NALCN: variants seen among roughly 807,000 people sequenced by gnomAD.
NALCN encodes sodium leak channel, non-selective, also known as sodium leak channel NALCN.
Under a neutral mutation model 225.3 loss-of-function variants are expected in NALCN, and 111 were observed. The ratio of observed to expected loss-of-function variants is 0.49; its 90% CI spans 0.42 to 0.58. The LOEUF (loss-of-function observed/expected upper bound fraction) is 0.58. Ranked by LOEUF, NALCN falls within the 20% of genes least tolerant of loss-of-function variation. The probability of loss-of-function intolerance (pLI) is 0.00; values close to 1 mark genes in which losing one functional copy is unlikely to be tolerated. For synonymous variants in NALCN, 764 were observed against 769.0 expected, an observed-to-expected ratio of 0.99 and a Z score of 0.11; for missense variants, 1,378 against 2,202.4, an observed-to-expected ratio of 0.63 and a Z score of 7.49.
intron 13 of NALCN, among the ~76,000 whole-genome samples, chr13:101,215,283 A>T (rs1423111664): frequency 6.6e-6 from 1 of 152,170 alleles, no homozygotes; most frequent in Admixed American, 6.6e-5. Flanking sequence ...ATTATTTCAC[A>T]TGTGCACAAA....
chr13:101,354,718 A>C (rs2045999376), intron 6 of NALCN, among the ~76,000 whole-genome samples: 1 of 152,092 alleles, frequency 6.6e-6, no homozygotes, highest in African/African-American at 2.4e-5. Flanking sequence ...AATATAAATC[A>C]CCTCTTACAT....
chr13:101,143,558 G>A (rs192085253), intron 16 of NALCN, among the ~76,000 whole-genome samples: 83 of 151,772 alleles, frequency 5.5e-4, no homozygotes, highest in African/African-American at 1.9e-3. Flanking sequence ...TCCGCCTCCC[G>A]AGTTTAAGCA....
At chr13:101,070,768 C>A (rs1158865664) in intron 37 of NALCN, among the ~76,000 whole-genome samples, 1 of 152,128 alleles carries the variant, frequency 6.6e-6, no homozygotes, top group Non-Finnish European at 1.5e-5. Context: ...AGAGCACAGG[C>A]AGGGTAGATT....
intron 17 of NALCN, among the ~76,000 whole-genome samples, chr13:101,141,433 A>G (rs2037072461): frequency 6.6e-6 from 1 of 152,186 alleles, no homozygotes; most frequent in African/African-American, 2.4e-5. Flanking sequence ...TTCTGCAAAG[A>G]TAGTAGAATA....
intron 7 of NALCN, among the ~76,000 whole-genome samples, chr13:101,302,403 A>G (rs528062094): frequency 6.6e-6 from 1 of 152,312 alleles, no homozygotes; most frequent in South Asian, 2.1e-4. Context: ...TAAATAATTG[A>G]CGTTTGTTTA....
chr13:101,255,618 T>A (rs116797186), intron 11 of NALCN, among the ~76,000 whole-genome samples: 1,761 of 152,300 alleles, frequency 0.012, 34 homozygotes, highest in African/African-American at 0.041. Flanking sequence ...TACCTACTGA[T>A]GCTATTACTC....
chr13:101,212,642 G>GCCAGAC (rs2040568692), intron 13 of NALCN, among the ~76,000 whole-genome samples: 1 of 152,120 alleles, frequency 6.6e-6, no homozygotes, highest in Non-Finnish European at 1.5e-5. Flanking sequence ...TGTGAAAGAT[G>GCCAGAC]ATTTTCAGTG....
intron 10 of NALCN, 54 bp downstream of exon 10, chr13:101,283,879 A>G: frequency 6.9e-7 from 1 of 1,455,702 alleles, no homozygotes; most frequent in Non-Finnish European, 9.3e-7. Flanking sequence ...CTTGGATGAA[A>G]TAAAATTCAA....
chr13:101,237,641 GTTA>G, intron 12 of NALCN, 111 bp downstream of exon 12: 1 of 467,330 alleles, frequency 2.1e-6, no homozygotes, highest in Non-Finnish European at 3.2e-6. Context: ...TACCATAATA[GTTA>G]TTATATATAA....
intron 6 of NALCN, among the ~76,000 whole-genome samples, chr13:101,358,202 G>A (rs778945139): frequency 1.5e-4 from 23 of 151,646 alleles, no homozygotes; most frequent in Non-Finnish European, 3.0e-4. Context: ...TAAACTAGAA[G>A]TACTAAAGAG....
At position 101,330,989 on chromosome 13, in the gene NALCN, C is replaced by T. The variant is rs113295883; in HGVS notation, c.799+14277G>A. Reference sequence around the variant, plus strand: ...TTAAATCTTTTTCTTTATAAATTACCCAGTCTCAAGTATGTCTTTATTAGC... The same window carrying T: ...TTAAATCTTTTTCTTTATAAATTACTCAGTCTCAAGTATGTCTTTATTAGC... On this transcript the variant is annotated intron_variant, in intron 7 of 43. Coordinates refer to ENST00000251127, the MANE Select transcript of NALCN (RefSeq NM_052867.4). Among the ~76,000 whole-genome samples the T allele has an allele frequency of 7.1e-4, 108 of 152,230 alleles. 1 individual carries two copies. Among genetic ancestry groups the T allele is most frequent in the African/African-American group, 2.3e-3 (95 of 41,524 alleles).
At chr13:101,210,566 G>A (rs1313122341) in intron 13 of NALCN, among the ~76,000 whole-genome samples, 1 of 152,120 alleles carries the variant, frequency 6.6e-6, no homozygotes, top group East Asian at 1.9e-4. Flanking sequence ...GCAAAAGACT[G>A]ATTAAAAATA....
At chr13:101,111,083 C>T in intron 19 of NALCN, 42 bp downstream of exon 19, 2 of 1,575,536 alleles carry the variant, frequency 1.3e-6, no homozygotes, top group African/African-American at 1.3e-5. Flanking sequence ...TAAAACCCCC[C>T]TTTTTTAGAG....
chr13:101,284,264 T>C (rs2043265434), intron 9 of NALCN, among the ~76,000 whole-genome samples: 1 of 152,236 alleles, frequency 6.6e-6, no homozygotes, highest in Non-Finnish European at 1.5e-5. Flanking sequence ...GTCTTGCATA[T>C]GCTTTGCATA....
intron 14 of NALCN, chr13:101,180,546 T>G (rs2039163443): frequency 1.9e-5 from 3 of 159,114 alleles, no homozygotes; most frequent in Non-Finnish European, 1.4e-5. Flanking sequence ...CCACAACACA[T>G]GTATTAGCTC....
At chr13:101,241,157 T>A (rs137891396) in intron 11 of NALCN, among the ~76,000 whole-genome samples, 2,257 of 152,346 alleles carry the variant, frequency 0.015, 23 homozygotes, top group South Asian at 0.028. Flanking sequence ...TGTCCAGTGC[T>A]GTTCAGATCA....
At chr13:101,094,357 G>T (rs1258546641) in intron 28 of NALCN, among the ~76,000 whole-genome samples, 2 of 152,108 alleles carry the variant, frequency 1.3e-5, no homozygotes, top group Non-Finnish European at 1.5e-5. Flanking sequence ...TGGCAGAGGT[G>T]GGAGGCACCC....
chr13:101,137,313 T>C (rs1260984542), intron 17 of NALCN, among the ~76,000 whole-genome samples: 4 of 152,158 alleles, frequency 2.6e-5, no homozygotes, highest in Non-Finnish European at 5.9e-5. Context: ...AAAAAATTCT[T>C]TCAAAAGACC....
At chr13:101,140,653 C>T (rs2037031148) in intron 17 of NALCN, among the ~76,000 whole-genome samples, 1 of 152,244 alleles carries the variant, frequency 6.6e-6, no homozygotes, top group Non-Finnish European at 1.5e-5. Context: ...GAAGCCAAGG[C>T]ACTATCTTCC....
Sources: allele counts gnomAD v4.1 joint callset (sites outside exome capture counted in the v4.1 genomes callset), GRCh38; gene constraint gnomAD v4.1.1; transcripts MANE v1.5; gene names NCBI Gene and HGNC (gene_info 2026-07-23, HGNC 2026-07-21).